The following DEPTOR variants were observed in gnomAD, a reference collection of about 807,000 sequenced individuals.
The protein encoded by DEPTOR is DEP domain containing MTOR interacting protein, also known as DEP domain-containing mTOR-interacting protein.
A neutral mutation model predicts 41.6 loss-of-function variants in DEPTOR; 41 were observed. That is an observed-to-expected ratio of 0.98 (90% CI 0.77 to 1.28). DEPTOR has a LOEUF of 1.28. DEPTOR is among the 50% of genes most tolerant of loss of function. The probability of loss-of-function intolerance (pLI) is 0.00; values close to 1 mark genes in which losing one functional copy is unlikely to be tolerated. For synonymous variants in DEPTOR, 195 were observed against 192.3 expected (o/e 1.01, Z -0.12); for missense variants, 514 against 527.9 (o/e 0.97, Z 0.26).
chr8:119,913,958 T>C (rs1827778877), intron 1 of DEPTOR, among the ~76,000 whole-genome samples: 1 of 151,964 alleles, frequency 6.6e-6, no homozygotes, highest in Non-Finnish European at 1.5e-5. Flanking sequence ...TCCTTCTAAA[T>C]CATGAGGCTT....
At chr8:119,947,293 T>A (rs570072178) in intron 3 of DEPTOR, among the ~76,000 whole-genome samples, 1 of 152,302 alleles carries the variant, frequency 6.6e-6, no homozygotes, top group South Asian at 2.1e-4. Context: ...GGAGTACTGT[T>A]TTGTACTCAT....
intron 4 of DEPTOR, among the ~76,000 whole-genome samples, chr8:119,990,465 A>G (rs16893381): frequency 0.012 from 1,837 of 152,294 alleles, 38 homozygotes; most frequent in African/African-American, 0.042. Flanking sequence ...CACCCCAGCT[A>G]TCGTTTAATG....
At chr8:119,874,323 C>T (rs1827205902) in intron 1 of DEPTOR, 1 of 313,100 alleles carries the variant, frequency 3.2e-6, no homozygotes, top group Non-Finnish European at 5.9e-6. Context: ...ACAGCCTGCG[C>T]CTCATCCGCG....
At chr8:120,013,921 C>G (rs947707444) in intron 8 of DEPTOR, among the ~76,000 whole-genome samples, 1 of 151,624 alleles carries the variant, frequency 6.6e-6, no homozygotes, top group Non-Finnish European at 1.5e-5. Context: ...CTCACTGCAA[C>G]CTCCACATCC....
intron 2 of DEPTOR, 34 bp downstream of exon 2, chr8:119,928,612 G>A: frequency 6.2e-7 from 1 of 1,601,806 alleles, no homozygotes. Context: ...TGACTTGAGA[G>A]AAATGGAAGG....
chr8:120,026,263 T>A (rs181528750), intron 8 of DEPTOR, among the ~76,000 whole-genome samples: 1 of 152,200 alleles, frequency 6.6e-6, no homozygotes, highest in East Asian at 1.9e-4. Context: ...GATGGAAAAC[T>A]TTCATGGCAT....
At chr8:120,028,038 G>C (rs1026521776) in intron 8 of DEPTOR, among the ~76,000 whole-genome samples, 1 of 152,134 alleles carries the variant, frequency 6.6e-6, no homozygotes, top group African/African-American at 2.4e-5. Context: ...TGCGTAATCC[G>C]GTCATGTTGT....
chr8:119,899,623 T>A (rs1409317989), intron 1 of DEPTOR, among the ~76,000 whole-genome samples: 2 of 152,232 alleles, frequency 1.3e-5, no homozygotes, highest in African/African-American at 2.4e-5. Context: ...AACATTTTTT[T>A]AAAAATCACA....
chr8:120,006,999 C>A, intron 7 of DEPTOR, 124 bp downstream of exon 7: 2 of 940,454 alleles, frequency 2.1e-6, no homozygotes, highest in Non-Finnish European at 3.2e-6. Context: ...TTGTTTTTAG[C>A]GTAATTATGA....
intron 4 of DEPTOR, among the ~76,000 whole-genome samples, chr8:119,999,278 A>G (rs1471882255): frequency 6.6e-6 from 1 of 152,098 alleles, no homozygotes; most frequent in Admixed American, 6.5e-5. Context: ...GTCTCAAAAA[A>G]AAAAGAAAAA....
At chr8:119,953,801 C>CTT (rs35043841) in intron 3 of DEPTOR, among the ~76,000 whole-genome samples, 3 of 119,670 alleles carry the variant, frequency 2.5e-5, no homozygotes, top group Non-Finnish European at 3.4e-5. Context: ...CAGATAGCTT[C>CTT]TTTTTTTTTT....
intron 4 of DEPTOR, among the ~76,000 whole-genome samples, chr8:119,981,212 T>C (rs1828762914): frequency 6.6e-6 from 1 of 152,256 alleles, no homozygotes; most frequent in Non-Finnish European, 1.5e-5. Context: ...AAACTGTTAA[T>C]GTATGGCTTC....
At chr8:119,880,068 G>C (rs1027304329) in intron 1 of DEPTOR, among the ~76,000 whole-genome samples, 5 of 151,726 alleles carry the variant, frequency 3.3e-5, no homozygotes, top group African/African-American at 1.2e-4. Context: ...CTTGAACCCA[G>C]ATGGCAGAGG....
intron 3 of DEPTOR, among the ~76,000 whole-genome samples, chr8:119,942,520 A>T (rs1290029773): frequency 6.6e-6 from 1 of 152,110 alleles, no homozygotes; most frequent in Non-Finnish European, 1.5e-5. Context: ...CTTGATTTAA[A>T]GGTAAATATA....
At chr8:119,883,096 G>A (rs1231249927) in intron 1 of DEPTOR, among the ~76,000 whole-genome samples, 1 of 152,088 alleles carries the variant, frequency 6.6e-6, no homozygotes, top group Admixed American at 6.6e-5. Flanking sequence ...TGGCTGCAGA[G>A]AATCACTTTT....
chr8:119,938,303 A>C (rs1828138166), intron 3 of DEPTOR, among the ~76,000 whole-genome samples: 1 of 152,362 alleles, frequency 6.6e-6, no homozygotes, highest in African/African-American at 2.4e-5. Flanking sequence ...AAAATGGATT[A>C]TATGAAAGAT....
At chr8:119,938,275 TCATAAA>T (rs1160686196) in intron 3 of DEPTOR, among the ~76,000 whole-genome samples, 1 of 152,216 alleles carries the variant, frequency 6.6e-6, no homozygotes, top group Non-Finnish European at 1.5e-5. Flanking sequence ...TAAGTAAATG[TCATAAA>T]CATGAAATTT....
intron 1 of DEPTOR, among the ~76,000 whole-genome samples, chr8:119,926,550 A>C (rs1389370697): frequency 2.6e-5 from 4 of 152,206 alleles, no homozygotes; most frequent in Non-Finnish European, 4.4e-5. Context: ...TATTTGGGTC[A>C]AGCTTTTACT....
At chr8:119,950,996 C>T (rs765582869) in intron 3 of DEPTOR, among the ~76,000 whole-genome samples, 4 of 151,976 alleles carry the variant, frequency 2.6e-5, no homozygotes, top group Non-Finnish European at 5.9e-5. Context: ...TTGCTTGAGC[C>T]TGGAAAGTCA....
Sources: gnomAD v4.1 joint callset for allele counts (sites outside exome capture counted in the v4.1 genomes callset) on GRCh38, gnomAD v4.1.1 for gene constraint, MANE v1.5 for transcripts, NCBI Gene and HGNC (gene_info 2026-07-23, HGNC 2026-07-21) for gene names.